The following NUP98 variants were observed in gnomAD, a reference collection of about 807,000 sequenced individuals.
The protein encoded by NUP98 is nuclear pore complex protein Nup98-Nup96.
In NUP98, 26 loss-of-function variants were observed where a neutral mutation model predicts 191.9. The ratio of observed to expected loss-of-function variants is 0.14; its 90% confidence interval spans 0.10 to 0.19. The LOEUF (loss-of-function observed/expected upper bound fraction) is 0.19. NUP98 is among the 10% of genes least tolerant of loss of function. The probability of loss-of-function intolerance (pLI) is 1.00; values close to 1 mark genes in which losing one functional copy is unlikely to be tolerated. For missense variants in NUP98, 1,941 were observed against 2,178.8 expected (o/e 0.89, Z 2.17); for synonymous variants, 808 against 778.4 (o/e 1.04, Z -0.63).
chr11:3,766,308 G>A (rs1275494538), intron 8 of NUP98, among the ~76,000 whole-genome samples: 3 of 152,132 alleles, frequency 2.0e-5, no homozygotes, highest in Non-Finnish European at 4.4e-5. Context: ...AGGAGGCGGA[G>A]GACGCAGTGA....
At chr11:3,793,930 T>C (rs534406758) in intron 1 of NUP98, among the ~76,000 whole-genome samples, 88 of 152,098 alleles carry the variant, frequency 5.8e-4, no homozygotes, top group Non-Finnish European at 1.1e-3. Context: ...GATCACATCA[T>C]TGCACTCCAG....
chr11:3,790,482 G>A (rs1260649289), intron 1 of NUP98, among the ~76,000 whole-genome samples: 2 of 152,116 alleles, frequency 1.3e-5, no homozygotes, highest in African/African-American at 2.4e-5. Flanking sequence ...TCTTCCAGGG[G>A]TTCAATGAAA....
chr11:3,702,033 G>A (rs1385946891), intron 23 of NUP98, among the ~76,000 whole-genome samples: 2 of 150,872 alleles, frequency 1.3e-5, no homozygotes, highest in Admixed American at 6.6e-5. Context: ...GCTCATGACT[G>A]TAATCCCAGC....
At chr11:3,700,268 CAAAAAAAAAA>C (rs35824298) in intron 24 of NUP98, among the ~76,000 whole-genome samples, 1 of 93,444 alleles carries the variant, frequency 1.1e-5, no homozygotes. Flanking sequence ...GACTCCGTCT[CAAAAAAAAAA>C]AAAAAAAAAA....
intron 30 of NUP98, among the ~76,000 whole-genome samples, chr11:3,681,215 A>AT (rs2077974378): frequency 6.6e-6 from 1 of 151,966 alleles, no homozygotes; most frequent in African/African-American, 2.4e-5. Flanking sequence ...TAATTTTTGT[A>AT]TTTTTTGTAG....
At chr11:3,779,081 A>T (rs1209573315) in intron 3 of NUP98, 32 bp from the exon 4 acceptor site, 4 of 1,613,910 alleles carry the variant, frequency 2.5e-6, no homozygotes, top group Non-Finnish European at 2.5e-6. Context: ...GAAAAAGTTA[A>T]GTACATCAGA....
chr11:3,736,672 T>C (rs1004423091), intron 12 of NUP98, among the ~76,000 whole-genome samples: 1 of 152,176 alleles, frequency 6.6e-6, no homozygotes, highest in African/African-American at 2.4e-5. Flanking sequence ...CACATCAACA[T>C]AGGTTATGTA....
chr11:3,720,499 C>T (rs562941256), intron 17 of NUP98, among the ~76,000 whole-genome samples: 2 of 152,112 alleles, frequency 1.3e-5, no homozygotes, highest in Non-Finnish European at 2.9e-5. Context: ...AAGACCCCAT[C>T]TCAACAGAAA....
intron 10 of NUP98, among the ~76,000 whole-genome samples, chr11:3,754,333 G>A (rs1013375150): frequency 2.0e-5 from 3 of 152,210 alleles, no homozygotes; most frequent in African/African-American, 7.2e-5. Flanking sequence ...GGCTGAGGCA[G>A]GAGTATCACT....
At chr11:3,737,385 G>C (rs575173489) in intron 12 of NUP98, among the ~76,000 whole-genome samples, 3 of 151,560 alleles carry the variant, frequency 2.0e-5, no homozygotes, top group Non-Finnish European at 4.4e-5. Context: ...CAGCACTTTG[G>C]GAGGCCGAGG....
chr11:3,680,792 C>T (rs1413204663), intron 30 of NUP98, among the ~76,000 whole-genome samples: 1 of 152,172 alleles, frequency 6.6e-6, no homozygotes, highest in Non-Finnish European at 1.5e-5. Context: ...AAGAGATCCA[C>T]TCATCTTGGC....
At chr11:3,700,268 C>CA (rs35824298) in intron 24 of NUP98, among the ~76,000 whole-genome samples, 37,036 of 93,000 alleles carry the variant, frequency 0.4, 7,168 homozygotes, top group Non-Finnish European at 0.46. Flanking sequence ...GACTCCGTCT[C>CA]AAAAAAAAAA....
rs1345169264 is a variant in NUP98, at chr11:3,706,523, G to A, written c.2847C>T (p.Ser949=). 6.2e-7 allele frequency: 1 copy of A among 1,613,952 alleles called. No homozygotes were observed. The highest frequency in any genetic ancestry group is 1.3e-5 in the African/African-American group (1 of 74,898). The part of the protein sequence containing the change: ...EPVLDTMLEE[S]MPEDQEPVSA... ...ACACAGGTTCCTGATCCTCAGGCATGCTCTCTTCTAACATGGTATCCAAAA... is the reference window on the plus strand; with the variant it reads ...ACACAGGTTCCTGATCCTCAGGCATACTCTCTTCTAACATGGTATCCAAAA... Residue 949 remains serine (S), a synonymous_variant, in exon 21 of 33, where the codon AGC becomes AGT. Transcript: ENST00000324932.
At chr11:3,789,582 C>A (rs564473036) in intron 1 of NUP98, among the ~76,000 whole-genome samples, 2 of 137,934 alleles carry the variant, frequency 1.4e-5, no homozygotes, top group South Asian at 2.4e-4. Flanking sequence ...GTGGCATGAT[C>A]ATGGCTCACT....
intron 11 of NUP98, among the ~76,000 whole-genome samples, chr11:3,748,662 A>T (rs1249018083): frequency 6.6e-6 from 1 of 152,150 alleles, no homozygotes; most frequent in Non-Finnish European, 1.5e-5. Context: ...AAAATTATTA[A>T]CAACAAAAAA....
chr11:3,689,614 T>C (rs933087133), intron 28 of NUP98, among the ~76,000 whole-genome samples: 1 of 152,130 alleles, frequency 6.6e-6, no homozygotes, highest in Admixed American at 6.5e-5. Flanking sequence ...AATATATTAT[T>C]GTTGGACACC....
At chr11:3,739,859 T>A (rs1405940500) in intron 12 of NUP98, among the ~76,000 whole-genome samples, 1 of 152,062 alleles carries the variant, frequency 6.6e-6, no homozygotes, top group Non-Finnish European at 1.5e-5. Context: ...GATCCACTTA[T>A]GTGTGGATTT....
At chr11:3,717,504 T>C (rs2079228560) in intron 18 of NUP98, among the ~76,000 whole-genome samples, 1 of 152,242 alleles carries the variant, frequency 6.6e-6, no homozygotes, top group African/African-American at 2.4e-5. Context: ...TGTATAGCAG[T>C]GCAACTGATT....
chr11:3,706,365 G>A, intron 21 of NUP98, 80 bp downstream of exon 21: 1 of 1,332,058 alleles, frequency 7.5e-7, no homozygotes, highest in Non-Finnish European at 1.1e-6. Flanking sequence ...TAATAACCAA[G>A]GAAGAGACCT....
Sources: allele counts gnomAD v4.1 joint callset (sites outside exome capture counted in the v4.1 genomes callset), GRCh38; gene constraint gnomAD v4.1.1; transcripts MANE v1.5; gene names NCBI Gene and HGNC (gene_info 2026-07-23, HGNC 2026-07-21).